The following UPP2 variants were observed in gnomAD, a reference collection of about 807,000 sequenced individuals.
UPP2 encodes uridine phosphorylase 2.
Under a neutral mutation model 26.7 loss-of-function variants are expected in UPP2, and 23 were observed. The observed-to-expected ratio is 0.86, with a 90% CI of 0.62 to 1.22. The LOEUF is 1.22. Among genes scored for constraint, UPP2 ranks in the 50% most tolerant of loss-of-function variants. UPP2 has a pLI of 0.00. For synonymous variants in UPP2, 127 were observed against 141.3 expected (o/e 0.90, Z 0.72); for missense variants, 387 against 396.7 (o/e 0.98, Z 0.21).
intron 3 of UPP2, among the ~76,000 whole-genome samples, chr2:158,057,730 T>C (rs1043969441): frequency 6.8e-6 from 1 of 147,076 alleles, no homozygotes; most frequent in African/African-American, 2.5e-5. Context: ...TACAGTTGAT[T>C]CAGATTCTTT....
intron 3 of UPP2, among the ~76,000 whole-genome samples, chr2:158,048,814 G>A (rs1440433204): frequency 6.6e-6 from 1 of 152,204 alleles, no homozygotes; most frequent in Non-Finnish European, 1.5e-5. Context: ...TGTGTGGCTT[G>A]AAAAGGAGGA....
At chr2:158,131,109 T>C (rs1461111727) in intron 6 of UPP2, among the ~76,000 whole-genome samples, 2 of 152,186 alleles carry the variant, frequency 1.3e-5, no homozygotes, top group South Asian at 4.1e-4. Flanking sequence ...ATACCAGGCA[T>C]ATAGGGAGCA....
intron 3 of UPP2, among the ~76,000 whole-genome samples, chr2:158,047,350 C>A (rs919618774): frequency 2.6e-5 from 4 of 152,172 alleles, no homozygotes; most frequent in Non-Finnish European, 5.9e-5. Flanking sequence ...CCACATGATG[C>A]CCCCAGGGGT....
chr2:158,123,758 G>C lies in UPP2; in HGVS notation c.674G>C (p.Arg225Pro). 1 of 1,613,786 alleles carries C rather than the reference G, an allele frequency of 6.2e-7. No individual in the cohort carries two copies. The highest frequency in any genetic ancestry group is 1.7e-5 in the Admixed American group (1 of 59,982). Residue 225 changes from arginine (R) to proline (P), a missense_variant, in exon 6 of 7, where the codon CGA (arginine) becomes CCA (proline). Transcript: ENST00000005756. ...CTCCCCTCCCTTTCAGGCCAAGGCC[G>C]ACTAGATGGAGCACTGTGCTCCTTT... The part of the protein sequence containing the change: ...CTYDFYEGQG[R>P]LDGALCSFSR...
intron 3 of UPP2, among the ~76,000 whole-genome samples, chr2:158,032,294 C>T (rs559084255): frequency 6.6e-6 from 1 of 152,130 alleles, no homozygotes; most frequent in East Asian, 1.9e-4. Flanking sequence ...CAGAAATGTT[C>T]ATGGCGAGAC....
At chr2:158,037,042 G>T (rs1294809048) in intron 3 of UPP2, among the ~76,000 whole-genome samples, 1 of 152,118 alleles carries the variant, frequency 6.6e-6, no homozygotes, top group Admixed American at 6.5e-5. Flanking sequence ...CTATCTCAGA[G>T]GGCTAACCAG....
intron 3 of UPP2, among the ~76,000 whole-genome samples, chr2:158,052,150 C>G (rs1362531300): frequency 6.6e-6 from 1 of 152,164 alleles, no homozygotes; most frequent in African/African-American, 2.4e-5. Context: ...GTTTATCTGA[C>G]AGTCAAATTC....
intron 3 of UPP2, among the ~76,000 whole-genome samples, chr2:158,016,761 A>T (rs1468557179): frequency 6.6e-6 from 1 of 152,018 alleles, no homozygotes; most frequent in Non-Finnish European, 1.5e-5. Context: ...GATACGGAGG[A>T]TTTCTCAATA....
intron 3 of UPP2, among the ~76,000 whole-genome samples, chr2:158,081,015 ATGCCTG>A (rs1279640872): frequency 4.6e-5 from 7 of 152,220 alleles, no homozygotes; most frequent in Non-Finnish European, 1.5e-5. Context: ...GAAGTGTGTC[ATGCCTG>A]TGTACTCTTC....
chr2:158,015,943 T>C (rs1395036198), intron 3 of UPP2: 11 of 384,034 alleles, frequency 2.9e-5, no homozygotes, highest in Middle Eastern at 8.8e-4. Flanking sequence ...TAGTTCTTTA[T>C]AGTGGTATGA....
At chr2:157,999,872 G>C (rs1683378477) in intron 2 of UPP2, among the ~76,000 whole-genome samples, 1 of 152,110 alleles carries the variant, frequency 6.6e-6, no homozygotes, top group Non-Finnish European at 1.5e-5. Flanking sequence ...GTGAGTGTGA[G>C]AGAGAATAAG....
At chr2:158,069,508 A>G (rs1682503851) in intron 3 of UPP2, among the ~76,000 whole-genome samples, 1 of 152,174 alleles carries the variant, frequency 6.6e-6, no homozygotes, top group Non-Finnish European at 1.5e-5. Flanking sequence ...GTGACTCCTT[A>G]AGCATCTAGT....
At chr2:158,101,828 G>C, upstream of UPP2, 1 of 1,283,640 alleles carries the variant, frequency 7.8e-7, no homozygotes, top group Non-Finnish European at 9.8e-7. Context: ...TGCTCTGAGA[G>C]CTGGGCTGTG....
At chr2:158,042,303 A>C (rs1684092371) in intron 3 of UPP2, among the ~76,000 whole-genome samples, 1 of 152,182 alleles carries the variant, frequency 6.6e-6, no homozygotes, top group African/African-American at 2.4e-5. Flanking sequence ...AAAGCAGGCC[A>C]GGGAAGAACA....
chr2:158,052,046 G>T (rs931744694), intron 3 of UPP2, among the ~76,000 whole-genome samples: 1 of 152,144 alleles, frequency 6.6e-6, no homozygotes, highest in Non-Finnish European at 1.5e-5. Flanking sequence ...AAATATTTAG[G>T]TAGGGGTTGC....
At chr2:158,077,176 G>A (rs1682643234) in intron 3 of UPP2, among the ~76,000 whole-genome samples, 1 of 151,982 alleles carries the variant, frequency 6.6e-6, no homozygotes, top group South Asian at 2.1e-4. Context: ...ACTAAAAAAT[G>A]GAAAAATATT....
intron 3 of UPP2, among the ~76,000 whole-genome samples, chr2:158,072,734 G>C (rs906768509): frequency 1.4e-4 from 21 of 152,190 alleles, no homozygotes; most frequent in Admixed American, 1.1e-3. Context: ...TGGCAATTCA[G>C]AGAATTCTTC....
At chr2:158,099,523 T>C (rs911588612), upstream of UPP2, among the ~76,000 whole-genome samples, 1 of 152,112 alleles carries the variant, frequency 6.6e-6, no homozygotes, top group Admixed American at 6.5e-5. Flanking sequence ...TAAGGGGCAG[T>C]GTCTTCTGGG....
intron 3 of UPP2, among the ~76,000 whole-genome samples, chr2:158,067,543 A>G (rs1008531994): frequency 5.9e-5 from 9 of 152,158 alleles, no homozygotes; most frequent in African/African-American, 1.9e-4. Flanking sequence ...TCCTACGTGC[A>G]TCAGGGATTG....
Sources: allele counts gnomAD v4.1 joint callset (sites outside exome capture counted in the v4.1 genomes callset), GRCh38; gene constraint gnomAD v4.1.1; transcripts MANE v1.5; gene names NCBI Gene and HGNC (gene_info 2026-07-23, HGNC 2026-07-21).